ENTPD1: variants seen among roughly 807,000 people sequenced by gnomAD.
ENTPD1 encodes ATP diphosphohydrolase.
In ENTPD1, 33 loss-of-function variants were observed where a neutral mutation model predicts 57.0. The observed-to-expected ratio is 0.58, with a 90% CI of 0.44 to 0.77. The LOEUF is 0.77. ENTPD1 is among the 30% of genes least tolerant of loss of function. The pLI is 0.00. For missense variants in ENTPD1, 501 were observed against 603.4 expected, an observed-to-expected ratio of 0.83 and a Z score of 1.78; for synonymous variants, 202 against 218.8, an observed-to-expected ratio of 0.92 and a Z score of 0.68.
At chr10:95,797,531 C>G (rs2098231542) in intron 1 of ENTPD1, among the ~76,000 whole-genome samples, 1 of 152,146 alleles carries the variant, frequency 6.6e-6, no homozygotes, top group African/African-American at 2.4e-5. Context: ...TATGGTCCTG[C>G]AGGTTCAGCC....
the ENTPD1 span, among the ~76,000 whole-genome samples, chr10:95,696,569 C>T: frequency 4.6e-5 from 7 of 152,120 alleles, no homozygotes; most frequent in African/African-American, 1.2e-4. Context: ...CATGAGCCAC[C>T]GTGCCTGGCA....
Position 95,774,799 on chromosome 10 carries a change from G to C in ENTPD1, c.16+18544G>C, listed in dbSNP as rs182617150. ...AGCTTTGTTCTTTTTGCTTAGGATTGTCTTGGCAATGTGGGCTCTTTTTTG... is the reference window on the plus strand; with the variant it reads ...AGCTTTGTTCTTTTTGCTTAGGATTCTCTTGGCAATGTGGGCTCTTTTTTG... On this transcript the variant is annotated intron_variant, in intron 1 of 9. Coordinates refer to ENST00000371205, the MANE Select transcript of ENTPD1 (RefSeq NM_001776.6). Among the ~76,000 whole-genome samples the C allele has an allele frequency of 3.9e-5, 6 of 152,290 alleles. No homozygotes were observed. The East Asian group carries it at 9.6e-4, about 24-fold the overall frequency.
intron 7 of ENTPD1, among the ~76,000 whole-genome samples, chr10:95,854,320 T>G (rs2098450619): frequency 6.6e-6 from 1 of 152,192 alleles, no homozygotes; most frequent in Admixed American, 6.5e-5. Context: ...GATTCTTCCC[T>G]GTTTTCTTCT....
In ENTPD1 at chr10:95,874,070, A is replaced by C. The variant is rs909351072; in HGVS notation, c.*7687A>C. On this transcript the variant is annotated 3_prime_UTR_variant, in exon 10 of 10. Coordinates refer to ENST00000371205, the MANE Select transcript of ENTPD1 (RefSeq NM_001776.6). Reference sequence around the variant, plus strand: ...TATCATTCCTCCCTGGGCTCCTCCAAATTTCATAATCCTCACATTTCAAAA... The same window carrying C: ...TATCATTCCTCCCTGGGCTCCTCCACATTTCATAATCCTCACATTTCAAAA... Among the ~76,000 whole-genome samples, 1 of 152,162 alleles carries C rather than the reference A, an allele frequency of 6.6e-6. No individual in the cohort carries two copies. Among genetic ancestry groups the C allele is most frequent in the Non-Finnish European group, 1.5e-5 (1 of 68,034 alleles).
intron 2 of ENTPD1, among the ~76,000 whole-genome samples, chr10:95,825,946 T>C (rs530374415): frequency 6.6e-6 from 1 of 152,322 alleles, no homozygotes; most frequent in Admixed American, 6.5e-5. Context: ...AGTTCTTCAT[T>C]CATTTTTTAT....
intron 1 of ENTPD1, among the ~76,000 whole-genome samples, chr10:95,819,422 C>A (rs1405179146): frequency 6.6e-6 from 1 of 152,092 alleles, no homozygotes; most frequent in Non-Finnish European, 1.5e-5. Flanking sequence ...CCTTTGCCTC[C>A]CAAAGTGCTG....
At chr10:95,756,096 G>A (rs949184626), upstream of ENTPD1, 1 of 1,521,694 alleles carries the variant, frequency 6.6e-7, no homozygotes, top group Non-Finnish European at 8.8e-7. Context: ...AAACGGGGCC[G>A]GCTAATTTAG....
chr10:95,729,913 G>A (rs977281618), intron 1 of ENTPD1, among the ~76,000 whole-genome samples: 6 of 152,148 alleles, frequency 3.9e-5, no homozygotes, highest in Non-Finnish European at 8.8e-5. Flanking sequence ...CTCTAACTTA[G>A]TGATATCCCG....
rs577212267 is a variant in ENTPD1, at chr10:95,869,319, G to T, written c.*2936G>T. On this transcript the variant is annotated 3_prime_UTR_variant, in exon 10 of 10. Transcript: ENST00000371205. ...GGCTGGAGTGCAGTGGTGCTATCTCGGCTCACTGCAACCTCCGCCTCCTGG... is the reference window on the plus strand; with the variant it reads ...GGCTGGAGTGCAGTGGTGCTATCTCTGCTCACTGCAACCTCCGCCTCCTGG... 2.2e-6 allele frequency: 2 copies of T among 906,802 alleles called. No homozygotes were observed. Among genetic ancestry groups the T allele is most frequent in the Non-Finnish European group, 2.6e-6 (2 of 765,072 alleles). The allele number at this position is 906,802 out of a possible 1,614,324, so 56.2% of individuals were successfully genotyped here.
intron 2 of ENTPD1, among the ~76,000 whole-genome samples, chr10:95,835,726 G>T (rs1472566843): frequency 6.6e-6 from 1 of 152,156 alleles, no homozygotes; most frequent in Non-Finnish European, 1.5e-5. Context: ...TTGGCCACTT[G>T]TATGTCTTCT....
Position 95,871,082 on chromosome 10 carries a change from T to G in ENTPD1, c.*4699T>G. The G allele has an allele frequency of 1.0e-6, 1 of 985,456 alleles. No homozygotes were observed. The allele number at this position is 985,456 out of a possible 1,614,324, so 61.0% of individuals were successfully genotyped here. ...TGGTCAGGATGGGGTCTCCTGTCAC[T>G]TCTGTCACAGGCTATTGTAAGTCAT... On this transcript the variant is annotated 3_prime_UTR_variant, in exon 10 of 10. Coordinates refer to ENST00000371205, the MANE Select transcript of ENTPD1 (RefSeq NM_001776.6).
chr10:95,860,660 T>C, intron 8 of ENTPD1, 78 bp downstream of exon 8: 1 of 1,248,068 alleles, frequency 8.0e-7, no homozygotes. Flanking sequence ...GAGTCTGCTC[T>C]GAAACTCCTG....
chr10:95,842,555 CTG>C (rs1235528017), intron 4 of ENTPD1, 61 bp downstream of exon 4: 4 of 1,577,412 alleles, frequency 2.5e-6, no homozygotes, highest in Non-Finnish European at 3.5e-6. Context: ...GAAAGAGCCT[CTG>C]AAGTTATGGG....
At chr10:95,752,580 C>T (rs1173032338), upstream of ENTPD1, among the ~76,000 whole-genome samples, 1 of 152,104 alleles carries the variant, frequency 6.6e-6, no homozygotes, top group Non-Finnish European at 1.5e-5. Flanking sequence ...TCACTTGCAC[C>T]CAGGAGGCAG....
upstream of ENTPD1, among the ~76,000 whole-genome samples, chr10:95,711,241 C>T (rs2097965326): frequency 6.6e-6 from 1 of 152,202 alleles, no homozygotes; most frequent in Non-Finnish European, 1.5e-5. Flanking sequence ...ATTGTTGAAA[C>T]CCATTCTGGA....
At chr10:95,855,165 T>G (rs2098452272) in intron 7 of ENTPD1, among the ~76,000 whole-genome samples, 1 of 152,208 alleles carries the variant, frequency 6.6e-6, no homozygotes, top group African/African-American at 2.4e-5. Flanking sequence ...CTCTTCTTGT[T>G]GAATTGATCC....
At position 95,809,120 on chromosome 10, in the gene ENTPD1, T is replaced by G. The variant is rs1353090021; in HGVS notation, c.17-14117T>G. Among the ~76,000 whole-genome samples, 4 of 152,332 alleles carry G rather than the reference T, an allele frequency of 2.6e-5. No homozygotes were observed. In the East Asian group the frequency reaches 7.7e-4, roughly 29 times the overall value. On this transcript the variant is annotated intron_variant, in intron 1 of 9. Transcript: ENST00000371205. Reference sequence around the variant, plus strand: ...CAAAATGGAGTCTCCTATGCCTACTTCTTTCTACACAGACACAGTAACAAT... The same window carrying G: ...CAAAATGGAGTCTCCTATGCCTACTGCTTTCTACACAGACACAGTAACAAT...
rs760917303 is a variant in ENTPD1 at position 95,860,523 on chromosome 10, G to A, written c.1129G>A (p.Val377Ile). The stretch of plus-strand genomic sequence containing the variant: ...GTTTTTAAACTTGACATCAGAGAAA[G>A]TCTCTCAGGAAAAGGTGACTGAGAT... ...MKFLNLTSEK[V>I]SQEKVTEMMK... Residue 377 changes from valine to isoleucine, a missense_variant, in exon 8 of 10, where the codon GTC (valine) becomes ATC (isoleucine). Transcript: ENST00000371205. 2 of 1,614,000 alleles carry A rather than the reference G, an allele frequency of 1.2e-6. No homozygotes were observed.
intron 1 of ENTPD1, among the ~76,000 whole-genome samples, chr10:95,713,592 G>C (rs2097968236): frequency 6.6e-6 from 1 of 152,188 alleles, no homozygotes; most frequent in African/African-American, 2.4e-5. Context: ...CTGTGGCCTG[G>C]GTTTGATTCC....
Sources: allele counts gnomAD v4.1 joint callset (sites outside exome capture counted in the v4.1 genomes callset), GRCh38; gene constraint gnomAD v4.1.1; transcripts MANE v1.5; gene names NCBI Gene and HGNC (gene_info 2026-07-23, HGNC 2026-07-21).